FGF14: variants seen among roughly 807,000 people sequenced by gnomAD.
FGF14 encodes fibroblast growth factor homologous factor 4.
A neutral mutation model predicts 25.5 loss-of-function variants in FGF14; 5 were observed. That is an observed-to-expected ratio of 0.20 (90% confidence interval 0.10 to 0.41). The LOEUF is 0.41. Among genes scored for constraint, FGF14 ranks in the 10% least tolerant of loss-of-function variants. The pLI is 1.00. For synonymous variants in FGF14, 138 were observed against 118.3 expected (o/e 1.17, Z -1.08); for missense variants, 222 against 320.1 (o/e 0.69, Z 2.34).
At chr13:102,391,134 A>G (rs2058422720) in intron 1 of FGF14, among the ~76,000 whole-genome samples, 1 of 152,232 alleles carries the variant, frequency 6.6e-6, no homozygotes, top group African/African-American at 2.4e-5. Flanking sequence ...CTGAAGAGTA[A>G]GTTGATGACA....
chr13:102,402,417 G>A (rs1432407113), upstream of FGF14: 1 of 152,364 alleles, frequency 6.6e-6, no homozygotes, highest in Admixed American at 6.5e-5. Flanking sequence ...AGCCTCGGAT[G>A]TGAGTTACAG....
At chr13:102,066,582 C>T (rs190564891) in intron 1 of FGF14, among the ~76,000 whole-genome samples, 2 of 152,290 alleles carry the variant, frequency 1.3e-5, no homozygotes, top group East Asian at 3.9e-4. Flanking sequence ...ATAAATAACA[C>T]AATGTTTATT....
intron 3 of FGF14, among the ~76,000 whole-genome samples, chr13:101,847,515 T>C (rs1201590052): frequency 6.6e-6 from 1 of 152,156 alleles, no homozygotes; most frequent in Non-Finnish European, 1.5e-5. Flanking sequence ...CTTTTTGTTA[T>C]GAACATGATC....
chr13:102,204,342 T>C (rs150747003), intron 1 of FGF14, among the ~76,000 whole-genome samples: 1 of 152,212 alleles, frequency 6.6e-6, no homozygotes, highest in East Asian at 1.9e-4. Context: ...CCATCTCAGA[T>C]ATCTAAGCTA....
chr13:101,764,858 G>A (rs2139929828), intron 3 of FGF14, among the ~76,000 whole-genome samples: 1 of 152,316 alleles, frequency 6.6e-6, no homozygotes, highest in Non-Finnish European at 1.5e-5. Context: ...AAAACAGCTT[G>A]TATGGAGTTG....
chr13:102,173,056 T>C lies in FGF14; in HGVS notation c.208+228415A>G, dbSNP rs557741270. Among the ~76,000 whole-genome samples the C allele has an allele frequency of 3.9e-5, 6 of 152,250 alleles. No homozygotes were observed. In the East Asian group the frequency reaches 9.6e-4, roughly 24 times the overall value. On this transcript the variant is annotated intron_variant, in intron 1 of 4. Coordinates refer to the FGF14 transcript ENST00000376131. Reference sequence around the variant, plus strand: ...AAACTAACAGAATGAAAAGGTAACATATGAAACTGGAATATTTGCAAACCA... The same window carrying C: ...AAACTAACAGAATGAAAAGGTAACACATGAAACTGGAATATTTGCAAACCA...
At chr13:102,112,868 G>C (rs2045300524) in intron 1 of FGF14, among the ~76,000 whole-genome samples, 1 of 152,096 alleles carries the variant, frequency 6.6e-6, no homozygotes, top group African/African-American at 2.4e-5. Context: ...TTTTCTCATG[G>C]CTCTCTCAAG....
At chr13:102,297,839 G>A (rs1414304934) in intron 1 of FGF14, among the ~76,000 whole-genome samples, 1 of 151,968 alleles carries the variant, frequency 6.6e-6, no homozygotes, top group Non-Finnish European at 1.5e-5. Context: ...ATTAATGACT[G>A]CATTATTAAA....
At chr13:102,274,744 T>C (rs896606858) in intron 1 of FGF14, among the ~76,000 whole-genome samples, 3 of 151,978 alleles carry the variant, frequency 2.0e-5, no homozygotes, top group African/African-American at 7.2e-5. Context: ...GTGGAAGAAA[T>C]ATTGAAAACC....
intron 1 of FGF14, among the ~76,000 whole-genome samples, chr13:102,233,855 T>C (rs1433582854): frequency 1.3e-5 from 2 of 152,242 alleles, no homozygotes; most frequent in African/African-American, 2.4e-5. Context: ...ATTTGCATCA[T>C]GCTGACTTTT....
At chr13:101,855,660 C>T (rs1274925121) in intron 3 of FGF14, among the ~76,000 whole-genome samples, 2 of 151,794 alleles carry the variant, frequency 1.3e-5, no homozygotes, top group African/African-American at 4.8e-5. Context: ...TATTTTGGAC[C>T]TGATAGTTCA....
chr13:102,154,876 A>C (rs2047254874), intron 1 of FGF14, among the ~76,000 whole-genome samples: 1 of 152,172 alleles, frequency 6.6e-6, no homozygotes, highest in Admixed American at 6.5e-5. Flanking sequence ...GTCTCTGATA[A>C]AACAGACTTT....
chr13:101,868,821 G>A lies in FGF14; in HGVS notation c.312C>T (p.Phe104=), dbSNP rs771804837. The change falls in exon 3 of 5, where the codon TTC becomes TTT. Residue 104 remains phenylalanine (F), a synonymous_variant. Transcript: ENST00000376143. ...CACGTAGTCCCACTGGTATGAGGTTGAAGAGTGCTGTGAAGATAAACATTG... is the reference window on the plus strand; with the variant it reads ...CACGTAGTCCCACTGGTATGAGGTTAAAGAGTGCTGTGAAGATAAACATTG... ...TKDDSTNSTL[F]NLIPVGLRVV... is the part of the protein sequence containing the mutation. The A allele has an allele frequency of 6.2e-7, 1 of 1,610,736 alleles. No individual in the cohort carries two copies. Among genetic ancestry groups the A allele is most frequent in the Non-Finnish European group, 8.5e-7 (1 of 1,176,968 alleles).
chr13:101,998,365 A>C (rs1173546764), intron 1 of FGF14, among the ~76,000 whole-genome samples: 1 of 151,972 alleles, frequency 6.6e-6, no homozygotes. Context: ...AGACCACAAA[A>C]ATTTTAATGA....
At chr13:102,069,324 C>T (rs1432680975) in intron 1 of FGF14, among the ~76,000 whole-genome samples, 1 of 152,118 alleles carries the variant, frequency 6.6e-6, no homozygotes, top group Non-Finnish European at 1.5e-5. Flanking sequence ...ACGCACCAAT[C>T]AGCGCCCTGT....
chr13:102,352,041 T>C (rs974106497), intron 1 of FGF14, among the ~76,000 whole-genome samples: 1 of 152,168 alleles, frequency 6.6e-6, no homozygotes, highest in African/African-American at 2.4e-5. Flanking sequence ...GGGGAAAAAG[T>C]GTTCTGCAAC....
intron 1 of FGF14, among the ~76,000 whole-genome samples, chr13:101,981,724 C>A (rs2038281069): frequency 6.6e-6 from 1 of 152,148 alleles, no homozygotes; most frequent in African/African-American, 2.4e-5. Flanking sequence ...CATTGATTCT[C>A]AAGCTTAGTT....
chr13:101,724,097 C>A (rs144017209), intron 4 of FGF14, among the ~76,000 whole-genome samples: 4 of 152,030 alleles, frequency 2.6e-5, no homozygotes, highest in Non-Finnish European at 5.9e-5. Context: ...GCAAAAGGAA[C>A]TAATGCGTAT....
intron 1 of FGF14, among the ~76,000 whole-genome samples, chr13:102,190,668 T>A (rs987877338): frequency 2.6e-5 from 4 of 152,076 alleles, no homozygotes; most frequent in African/African-American, 9.7e-5. Context: ...TCAATTAAAT[T>A]AATATACTCA....
Sources: gnomAD v4.1 joint callset for allele counts (sites outside exome capture counted in the v4.1 genomes callset) on GRCh38, gnomAD v4.1.1 for gene constraint, MANE v1.5 for transcripts, NCBI Gene and HGNC (gene_info 2026-07-23, HGNC 2026-07-21) for gene names.